Variants in TNK2 observed in about 807,000 individuals in gnomAD.
The protein encoded by TNK2 is activated CDC42 kinase 1.
In TNK2, 83 loss-of-function variants were observed where a neutral mutation model predicts 101.8. That is an observed-to-expected ratio of 0.82 (90% confidence interval 0.68 to 0.98). The LOEUF (loss-of-function observed/expected upper bound fraction) is 0.98. Among genes scored for constraint, TNK2 ranks in the 50% least tolerant of loss-of-function variants. TNK2 has a pLI of 0.00. For missense variants in TNK2, 1,665 were observed against 1,483.2 expected (o/e 1.12, Z -2.01); for synonymous variants, 804 against 633.0 (o/e 1.27, Z -4.06).
chr3:195,864,846 A>C (rs11922898), intron 15 of TNK2, among the ~76,000 whole-genome samples: 1,970 of 54,290 alleles, frequency 0.036, 34 homozygotes, highest in Middle Eastern at 0.071. Flanking sequence ...TCAGTAAGAA[A>C]CACCCGAGAC....
At chr3:195,890,229 G>A (rs541211661) in intron 1 of TNK2, among the ~76,000 whole-genome samples, 1 of 152,312 alleles carries the variant, frequency 6.6e-6, no homozygotes, top group Non-Finnish European at 1.5e-5. Flanking sequence ...AGGCTGCACA[G>A]CCCCCTATGG....
At chr3:195,896,179 G>A (rs1355891163) in intron 1 of TNK2, 2 of 452,884 alleles carry the variant, frequency 4.4e-6, no homozygotes, top group African/African-American at 2.0e-5. Flanking sequence ...GAAGTCCCAG[G>A]GCAGAGGCTC....
At position 195,886,877 on chromosome 3, in the gene TNK2, T is replaced by C. The variant is rs969586872; in HGVS notation, c.234+100A>G. ...CAAAGTGCCGGCAGAACGGCGAGAT[T>C]CGACCTGCCGGGGAGCTGGGGAAGG... On this transcript the variant is annotated intron_variant, in intron 3 of 15. Coordinates refer to ENST00000672887, the MANE Select transcript of TNK2 (RefSeq NM_001382273.1). The surrounding 1 kb of genome is among the most constrained non-coding windows in gnomAD (Gnocchi z 4.2). 1 of 1,352,538 alleles carries C rather than the reference T, an allele frequency of 7.4e-7. No individual in the cohort carries two copies. The highest frequency in any genetic ancestry group is 1.4e-5 in the African/African-American group (1 of 69,662). The allele number at this position is 1,352,538 out of a possible 1,614,324, so 83.8% of individuals were successfully genotyped here. A position where few individuals can be genotyped will look rare whatever the true frequency, so the allele number is the denominator to read the frequency against.
intron 1 of TNK2, among the ~76,000 whole-genome samples, chr3:195,907,054 A>G (rs899704504): frequency 3.3e-5 from 5 of 152,234 alleles, no homozygotes; most frequent in African/African-American, 1.2e-4. Flanking sequence ...CCAGATCAAA[A>G]GCAATCTGTG....
Position 195,888,682 on chromosome 3 carries a change from C to A in TNK2, c.-18-76G>T. On this transcript the variant is annotated intron_variant, in intron 1 of 15. Coordinates refer to ENST00000672887, the MANE Select transcript of TNK2 (RefSeq NM_001382273.1). The surrounding 1 kb of genome is among the most constrained non-coding windows in gnomAD (Gnocchi z 5.3). ...GGCCTGCCCGAGTGACCTGGGCTCA[C>A]CTTCATCCCACTACACGGCCACCCG... 1 of 1,401,306 alleles carries A rather than the reference C, an allele frequency of 7.1e-7. No individual in the cohort carries two copies. The highest frequency in any genetic ancestry group is 9.6e-7 in the Non-Finnish European group (1 of 1,044,214). The allele number at this position is 1,401,306 out of a possible 1,614,324, so 86.8% of individuals were successfully genotyped here. A position where few individuals can be genotyped will look rare whatever the true frequency, so the allele number is the denominator to read the frequency against.
rs1459113556 is a variant in TNK2 at position 195,883,177 on chromosome 3, G to A, written c.589C>T (p.Leu197Phe). The A allele has an allele frequency of 6.2e-7, 1 of 1,607,258 alleles. No homozygotes were observed. The highest frequency in any genetic ancestry group is 1.3e-5 in the African/African-American group (1 of 74,854). Residue 197 changes from leucine (L) to phenylalanine (F), a missense_variant, in exon 5 of 16, where the codon CTC becomes TTC. Leu to Phe is a conservative substitution (Grantham distance 22, BLOSUM62 0). Around this residue, in one of 3 missense-constraint regions of TNK2, gnomAD observed 490 missense variants for 522.5 expected, o/e 0.94. Transcript: ENST00000672887. ...CTCACCATCTTCATGGGCGGCGTGA[G>A]CACCACCCCGTAGAGGCGGATGAGG... ...RNLIRLYGVV[L>F]TPPMKMVTEL...
Position 195,888,555 on chromosome 3 carries a change from C to T in TNK2, c.34G>A (p.Glu12Lys), listed in dbSNP as rs752513390. The T allele has an allele frequency of 1.2e-6, 2 of 1,612,350 alleles. No individual in the cohort carries two copies. The highest frequency in any genetic ancestry group is 2.2e-5 in the South Asian group (2 of 90,992). Reference protein sequence around the residue: ...QPEEGTGWLLELLSEVQLQQY... With the variant: ...QPEEGTGWLLKLLSEVQLQQY... ...TGCAGCTGCACCTCGGACAGCAGCTCCAGCAGCCAGCCTGTGCCCTCCTCT... is the reference window on the plus strand; with the variant it reads ...TGCAGCTGCACCTCGGACAGCAGCTTCAGCAGCCAGCCTGTGCCCTCCTCT... Residue 12 changes from glutamate to lysine, a missense_variant, in exon 2 of 16, where the codon GAG becomes AAG. Coordinates refer to ENST00000672887, the MANE Select transcript of TNK2 (RefSeq NM_001382273.1). The surrounding 1 kb of genome is among the most constrained non-coding windows in gnomAD (Gnocchi z 5.3).
At chr3:195,892,510 C>T (rs140843768) in intron 1 of TNK2, 37,400 of 1,534,376 alleles carry the variant, frequency 0.024, 555 homozygotes, top group Middle Eastern at 0.028. Flanking sequence ...GGGACCCCCC[C>T]GAGCAGTCAC....
In TNK2 at chr3:195,871,938, CTGGAGAACATTCCCCT is replaced by C. The variant is rs1490104719; in HGVS notation, c.1451+322_1451+337del. On this transcript the variant is annotated intron_variant, in intron 10 of 15. Transcript: ENST00000672887. ...GAACCCTCCCCTGGAGAACCCTCCC[CTGGAGAACATTCCCCT>C]GGAGAACCCTCCCCTGGAGAACCCT... Among the ~76,000 whole-genome samples, 7 of 151,438 alleles carry C rather than the reference CTGGAGAACATTCCCCT, an allele frequency of 4.6e-5. No homozygotes were observed. In the South Asian group the frequency reaches 1.1e-3, roughly 23 times the overall value.
chr3:195,905,626 C>T (rs989545829), intron 1 of TNK2, among the ~76,000 whole-genome samples: 8 of 151,312 alleles, frequency 5.3e-5, no homozygotes, highest in Admixed American at 4.0e-4. Flanking sequence ...TACCTTGCAC[C>T]ACGTAACAAA....
Position 195,867,396 on chromosome 3 carries a change from G to A in TNK2, c.2902C>T (p.Pro968Ser). 4.4e-6 allele frequency: 7 copies of A among 1,605,628 alleles called. No individual in the cohort carries two copies. The highest frequency in any genetic ancestry group is 5.9e-6 in the Non-Finnish European group (7 of 1,178,340). The change falls in exon 13 of 16, where the codon CCA becomes TCA. Residue 968 changes from proline to serine, a missense_variant. By Grantham distance (74) the Pro-to-Ser change is moderately conservative. This residue lies in a region of TNK2 where 1,136 missense variants were observed against 894.9 expected (regional missense o/e 1.27). Transcript: ENST00000672887. ...TTGTCTGCTGGCCGGCCCGCCTCTG[G>A]CCCATCGCCAGGGCAGCCCCTCTGT... is the stretch of plus-strand genomic sequence containing the variant. The part of the protein sequence containing the change: ...LPQRGCPGDG[P>S]EAGRPADKIQ...
rs1204530432 is a variant in TNK2, at chr3:195,882,799, A to C, written c.609+358T>G. 6.6e-6 allele frequency among the ~76,000 whole-genome samples: 1 copy of C among 152,210 alleles called. No homozygotes were observed. The highest frequency in any genetic ancestry group is 6.5e-5 in the Admixed American group (1 of 15,284). ...CGTGAACCCAGGAGGCCGAGGTTGC[A>C]GTGAGCCTAGATCATGCCATTGCAC... On this transcript the variant is annotated intron_variant, in intron 5 of 15. Transcript: ENST00000672887. The surrounding 1 kb of genome is among the most constrained non-coding windows in gnomAD (Gnocchi z 4.2).
intron 1 of TNK2, chr3:195,908,183 G>C (rs574218847): frequency 6.4e-6 from 1 of 155,510 alleles, no homozygotes; most frequent in African/African-American, 2.4e-5. Context: ...GGTGGAGGGG[G>C]GACCGTCCTG....
intron 4 of TNK2, chr3:195,883,733 G>C (rs1754318960): frequency 6.1e-6 from 1 of 165,274 alleles, no homozygotes; most frequent in African/African-American, 2.4e-5. Flanking sequence ...TCCTGCCTCA[G>C]CCTCCTGAGT....
At position 195,878,232 on chromosome 3, in the gene TNK2, G is replaced by A; in HGVS notation, c.1256+21C>T. The A allele has an allele frequency of 2.5e-6, 4 of 1,612,926 alleles. No individual in the cohort carries two copies. The East Asian group carries it at 6.7e-5, about 27-fold the overall frequency. ...GCCCTTCAAGCGATCCCAGGGCGGG[G>A]CCCAGCCCTGCACTCCCTACCTTCC... On this transcript the variant is annotated intron_variant, in intron 9 of 15. Coordinates refer to ENST00000672887, the MANE Select transcript of TNK2 (RefSeq NM_001382273.1). This position sits in a 1 kb window ranked among gnomAD's most constrained non-coding sequence, Gnocchi z 4.7.
intron 6 of TNK2, among the ~76,000 whole-genome samples, chr3:195,880,393 C>G (rs1268466106): frequency 3.7e-5 from 5 of 136,862 alleles, no homozygotes; most frequent in African/African-American, 1.4e-4. Context: ...GAGGACACAG[C>G]ATCTATCCCT....
At chr3:195,891,354 CA>C (rs1362780585) in intron 1 of TNK2, among the ~76,000 whole-genome samples, 1 of 152,232 alleles carries the variant, frequency 6.6e-6, no homozygotes, top group African/African-American at 2.4e-5. Flanking sequence ...TGTGGTGAGC[CA>C]AGATCGTGCC....
intron 2 of TNK2, among the ~76,000 whole-genome samples, chr3:195,887,871 T>C (rs1414466436): frequency 7.3e-6 from 1 of 137,378 alleles, no homozygotes; most frequent in African/African-American, 2.9e-5. Flanking sequence ...TGCGCAGGCG[T>C]GTGAGCGCGT....
rs1753543697 is a variant in TNK2 at position 195,882,381 on chromosome 3, C to T, written c.610-53G>A. On this transcript the variant is annotated intron_variant, in intron 5 of 15. Coordinates refer to ENST00000672887, the MANE Select transcript of TNK2 (RefSeq NM_001382273.1). The surrounding 1 kb of genome is among the most constrained non-coding windows in gnomAD (Gnocchi z 4.2). ...TGAGCTGGAGGACCCTGCCCCTTCT[C>T]AGCAGCCCACGCTGGGCCCCCAGTC... 1 of 1,601,348 alleles carries T rather than the reference C, an allele frequency of 6.2e-7. No individual in the cohort carries two copies. The highest frequency in any genetic ancestry group is 8.5e-7 in the Non-Finnish European group (1 of 1,171,892).
Sources: gnomAD v4.1 joint callset for allele counts (sites outside exome capture counted in the v4.1 genomes callset) on GRCh38, gnomAD v4.1.1 for gene constraint, gnomAD v4.1.1 regional missense constraint, Gnocchi (gnomAD v3.1) non-coding constraint, MANE v1.5 for transcripts, NCBI Gene and HGNC (gene_info 2026-07-23, HGNC 2026-07-21) for gene names.